The following BRD8 variants were observed in gnomAD, a reference collection of about 807,000 sequenced individuals.
The protein encoded by BRD8 is bromodomain containing 8.
In BRD8, 67 loss-of-function variants were observed where a neutral mutation model predicts 143.1. The ratio of observed to expected loss-of-function variants is 0.47; its 90% CI spans 0.38 to 0.57. The LOEUF (loss-of-function observed/expected upper bound fraction) is 0.57. BRD8 is among the 20% of genes least tolerant of loss of function. The probability of loss-of-function intolerance (pLI) is 0.00; values close to 1 mark genes in which losing one functional copy is unlikely to be tolerated. For missense variants in BRD8, 1,103 were observed against 1,503.0 expected (o/e 0.73, Z 4.40); for synonymous variants, 505 against 517.1 (o/e 0.98, Z 0.32).
At chr5:138,151,080 A>T (rs186323979) in intron 21 of BRD8, 72 bp from the exon 22 acceptor site, 2 of 1,519,576 alleles carry the variant, frequency 1.3e-6, no homozygotes, top group African/African-American at 2.7e-5. Context: ...CAACAATGCC[A>T]CATGCTAACA....
Position 138,151,569 on chromosome 5 carries a change from G to GA in BRD8, c.2857-562dup, listed in dbSNP as rs1752369270. ...TAACTTCCCACAACTCCAAAAGCAT[G>GA]AATTACAAGGATACTCATAAAGCAG... On this transcript the variant is annotated intron_variant, in intron 21 of 26. Transcript: ENST00000254900. Among the ~76,000 whole-genome samples, 5 of 152,192 alleles carry GA rather than the reference G, an allele frequency of 3.3e-5. 1 individual carries two copies. Among genetic ancestry groups the GA allele is most frequent in the Admixed American group, 3.3e-4 (5 of 15,266 alleles).
At chr5:138,160,028 A>G (rs371622677) in intron 19 of BRD8, 41 bp downstream of exon 19, 1 of 1,487,870 alleles carries the variant, frequency 6.7e-7, no homozygotes, top group Middle Eastern at 1.9e-4. Flanking sequence ...GACTTCTACT[A>G]CTGGAACACT....
At chr5:138,161,404 T>G (rs1752987868) in intron 17 of BRD8, among the ~76,000 whole-genome samples, 1 of 152,028 alleles carries the variant, frequency 6.6e-6, no homozygotes, top group Non-Finnish European at 1.5e-5. Context: ...AGCCTCGAAC[T>G]TCCAGGCTCA....
intron 20 of BRD8, 67 bp from the exon 21 acceptor site, chr5:138,152,827 C>G: frequency 6.6e-7 from 1 of 1,521,144 alleles, no homozygotes; most frequent in South Asian, 1.3e-5. Context: ...ATCTCCATCT[C>G]CCGAGTTCAG....
At chr5:138,146,661 G>A (rs1752162134) in intron 23 of BRD8, among the ~76,000 whole-genome samples, 6 of 152,136 alleles carry the variant, frequency 3.9e-5, no homozygotes, top group Non-Finnish European at 8.8e-5. Context: ...ACTATGAACT[G>A]TCATGAGATA....
Position 138,166,675 on chromosome 5 carries a change from T to C in BRD8, c.840A>G (p.Thr280=), listed in dbSNP as rs777709009. The C allele has an allele frequency of 5.0e-6, 8 of 1,613,660 alleles. No homozygotes were observed. The highest frequency in any genetic ancestry group is 5.9e-6 in the Non-Finnish European group (7 of 1,179,892). The change falls in exon 10 of 27, where the codon ACA becomes ACG. Residue 280 remains threonine, a synonymous_variant. Coordinates refer to ENST00000254900, the MANE Select transcript of BRD8 (RefSeq NM_139199.2). The part of the protein sequence containing the change: ...LLEAGPTQFT[T]PLASFTTVAS... Reference sequence around the variant, plus strand: ...CAACAGTAGTGAAGGAAGCAAGAGGTGTGGTGAACTGTGTAGGACCAGCTT... The same window carrying C: ...CAACAGTAGTGAAGGAAGCAAGAGGCGTGGTGAACTGTGTAGGACCAGCTT...
At chr5:138,163,387 A>G (rs1370877818) in intron 14 of BRD8, 43 bp from the exon 15 acceptor site, 1 of 1,596,326 alleles carries the variant, frequency 6.3e-7, no homozygotes, top group South Asian at 1.1e-5. Flanking sequence ...AAGCAAAGCT[A>G]TCCAGCAAAG....
intron 25 of BRD8, among the ~76,000 whole-genome samples, chr5:138,143,918 T>G (rs1180656141): frequency 2.6e-5 from 4 of 152,140 alleles, no homozygotes. Flanking sequence ...AGCTGGCCCC[T>G]CAAGGCAGCA....
intron 6 of BRD8, 149 bp downstream of exon 6, chr5:138,170,683 C>T: frequency 1.3e-6 from 1 of 781,742 alleles, no homozygotes; most frequent in Admixed American, 2.1e-5. Flanking sequence ...ACTCCCCCCT[C>T]CCAGCCACCA....
intron 2 of BRD8, among the ~76,000 whole-genome samples, chr5:138,176,616 G>T (rs1754357028): frequency 6.6e-6 from 1 of 152,034 alleles, no homozygotes; most frequent in Non-Finnish European, 1.5e-5. Flanking sequence ...TGCTTGCTTG[G>T]GGGTGGTGAG....
chr5:138,147,582 G>A (rs1435971667), intron 23 of BRD8, among the ~76,000 whole-genome samples: 1 of 152,172 alleles, frequency 6.6e-6, no homozygotes, highest in Non-Finnish European at 1.5e-5. Flanking sequence ...GCTGAGGCAG[G>A]AGAATCACTT....
chr5:138,174,636 C>T (rs991611981), intron 2 of BRD8, among the ~76,000 whole-genome samples: 2 of 150,978 alleles, frequency 1.3e-5, no homozygotes, highest in Non-Finnish European at 3.0e-5. Context: ...AATTATATCA[C>T]AAAAAAGTTG....
At chr5:138,168,376 A>G in intron 8 of BRD8, 1 of 891,254 alleles carries the variant, frequency 1.1e-6, no homozygotes, top group South Asian at 1.4e-5. Context: ...CCTCTTTTGA[A>G]CTTTTATTCC....
chr5:138,151,668 A>G (rs1376282015), intron 21 of BRD8, among the ~76,000 whole-genome samples: 1 of 151,958 alleles, frequency 6.6e-6, no homozygotes, highest in Admixed American at 6.6e-5. Flanking sequence ...TTTATTTTTA[A>G]TTTTTTTACT....
At chr5:138,167,013 AGG>A in intron 9 of BRD8, 1 of 233,884 alleles carries the variant, frequency 4.3e-6, no homozygotes, top group Non-Finnish European at 8.3e-6. Flanking sequence ...TGGGAGGCCG[AGG>A]CAGGTGGGTC....
chr5:138,140,869 T>G lies in BRD8; in HGVS notation c.3451A>C (p.Thr1151Pro). The G allele has an allele frequency of 6.2e-7, 1 of 1,614,190 alleles. No homozygotes were observed. The highest frequency in any genetic ancestry group is 8.5e-7 in the Non-Finnish European group (1 of 1,180,038). ...TTAGAGAGATTTCTCTTCAGGCTAG[T>G]TAAGTCCATGGGTCTGCAGGTGGCC... is the stretch of plus-strand genomic sequence containing the variant. ...KDVVKRPMDL[T>P]SLKRNLSKGR... Residue 1151 changes from threonine to proline, a missense_variant, in exon 26 of 27, where the codon ACT (threonine) becomes CCT (proline). By Grantham distance (38) the Thr-to-Pro change is conservative. Around this residue, in one of 7 missense-constraint regions of BRD8, gnomAD observed 369 missense variants for 445.5 expected, o/e 0.83. Coordinates refer to ENST00000254900, the MANE Select transcript of BRD8 (RefSeq NM_139199.2).
intron 20 of BRD8, chr5:138,156,978 G>A: frequency 7.4e-7 from 1 of 1,344,966 alleles, no homozygotes; most frequent in East Asian, 2.8e-5. Flanking sequence ...ATACAAACTA[G>A]CTACGATCTG....
rs556500086 is a variant in BRD8, at chr5:138,162,893, A to G, written c.2087+237T>C. Among the ~76,000 whole-genome samples the G allele has an allele frequency of 1.9e-3, 292 of 151,898 alleles. 3 individuals are homozygous for G. Among genetic ancestry groups the G allele is most frequent in the African/African-American group, 6.6e-3 (275 of 41,440 alleles). On this transcript the variant is annotated intron_variant, in intron 15 of 26. Coordinates refer to ENST00000254900, the MANE Select transcript of BRD8 (RefSeq NM_139199.2). ...GCACAGGCTGGTAGTCCCAGCTACT[A>G]AGGAGGCTGAGGTGGAAGGATTGCT...
intron 20 of BRD8, among the ~76,000 whole-genome samples, chr5:138,155,622 G>A (rs1271407545): frequency 2.8e-5 from 4 of 144,426 alleles, no homozygotes. Flanking sequence ...AGCCTCAACC[G>A]GCCAGGGTTG....
Sources: gnomAD v4.1 joint callset for allele counts (sites outside exome capture counted in the v4.1 genomes callset) on GRCh38, gnomAD v4.1.1 for gene constraint, gnomAD v4.1.1 regional missense constraint, MANE v1.5 for transcripts, NCBI Gene and HGNC (gene_info 2026-07-23, HGNC 2026-07-21) for gene names.